LAMTOR4: variants seen among roughly 807,000 people sequenced by gnomAD.
LAMTOR4 encodes late endosomal/lysosomal adaptor, MAPK and MTOR activator 4, also known as ragulator complex protein LAMTOR4.
Under a neutral mutation model 13.5 loss-of-function variants are expected in LAMTOR4, and 11 were observed. The ratio of observed to expected loss-of-function variants is 0.82; its 90% confidence interval spans 0.51 to 1.35. The LOEUF is 1.35. LAMTOR4 is among the 40% of genes most tolerant of loss of function. The probability of loss-of-function intolerance (pLI) is 0.00; values close to 1 mark genes in which losing one functional copy is unlikely to be tolerated. For missense variants in LAMTOR4, 128 were observed against 126.2 expected, an observed-to-expected ratio of 1.01 and a Z score of -0.07; for synonymous variants, 69 against 52.3, an observed-to-expected ratio of 1.32 and a Z score of -1.38.
Position 100,153,475 on chromosome 7 carries a change from C to T in LAMTOR4, c.160C>T (p.Arg54Trp), listed in dbSNP as rs766744606. The T allele has an allele frequency of 3.2e-5, 51 of 1,609,634 alleles. No homozygotes were observed. Among genetic ancestry groups the T allele is most frequent in the East Asian group, 2.2e-4 (10 of 44,892 alleles). Residue 54 changes from arginine (R) to tryptophan (W), a missense_variant, in exon 3 of 4, where the codon CGG becomes TGG. Coordinates refer to ENST00000341942, the MANE Select transcript of LAMTOR4 (RefSeq NM_001008395.4). ...SELVSTACGF[R>W]LHRGMNVPFK... ...GCTGGTCAGCACAGCCTGCGGTTTC[C>T]GGCTGCACCGCGGCATGAATGTGCC...
intron 3 of LAMTOR4, 41 bp downstream of exon 3, chr7:100,153,558 G>T (rs201730556): frequency 3.3e-6 from 5 of 1,530,640 alleles, no homozygotes; most frequent in Admixed American, 3.3e-5. Context: ...TACTGGGAGC[G>T]GGGGGCTACT....
intron 2 of LAMTOR4, among the ~76,000 whole-genome samples, chr7:100,150,706 C>T (rs1798672465): frequency 6.6e-6 from 1 of 152,116 alleles, no homozygotes; most frequent in Non-Finnish European, 1.5e-5. Flanking sequence ...TGAGACTGGG[C>T]TGGGCGTGGT....
intron 3 of LAMTOR4, 33 bp downstream of exon 3, chr7:100,153,550 C>A: frequency 6.4e-7 from 1 of 1,564,006 alleles, no homozygotes; most frequent in Non-Finnish European, 8.7e-7. Context: ...GGTGGTGGTA[C>A]TGGGAGCGGG....
chr7:100,150,546 C>T (rs1798667351), intron 2 of LAMTOR4, among the ~76,000 whole-genome samples: 3 of 152,152 alleles, frequency 2.0e-5, no homozygotes, highest in Admixed American at 2.0e-4. Context: ...TGTGAAGGAT[C>T]TTCAAGGCCA....
intron 2 of LAMTOR4, among the ~76,000 whole-genome samples, chr7:100,150,284 G>A (rs973522809): frequency 1.3e-5 from 2 of 152,216 alleles, no homozygotes; most frequent in Admixed American, 6.5e-5. Flanking sequence ...AAGGTTAAGG[G>A]TTGAAAACAA....
At position 100,149,590 on chromosome 7, in the gene LAMTOR4, G is replaced by A. The variant is rs775140799; in HGVS notation, c.84+11G>A. 2.5e-6 allele frequency: 4 copies of A among 1,610,136 alleles called. No individual in the cohort carries two copies. Among genetic ancestry groups the A allele is most frequent in the Non-Finnish European group, 3.4e-6 (4 of 1,176,532 alleles). On this transcript the variant is annotated intron_variant, in intron 2 of 3. Transcript: ENST00000341942. ...GGTGCAGTGCTGGCGGTGCGTTCTG[G>A]GAAAGGGAGGGGGTCCCTTAGTGCA...
intron 1 of LAMTOR4, 175 bp from the exon 2 acceptor site, chr7:100,149,324 C>T: frequency 1.6e-6 from 1 of 618,596 alleles, no homozygotes; most frequent in South Asian, 1.9e-5. Context: ...GATGGAGGCT[C>T]GGGAAGATCA....
rs117976447 is a variant in LAMTOR4 at position 100,154,037 on chromosome 7, G to A, written c.*73G>A. On this transcript the variant is annotated 3_prime_UTR_variant, in exon 4 of 4. Transcript: ENST00000341942. ...CTGTGATGAGGCAGGCACACCTGTC[G>A]GTCTTGGCTTGCTGCTAGAACTAGG... is the stretch of plus-strand genomic sequence containing the variant. The A allele has an allele frequency of 7.4e-4, 879 of 1,184,948 alleles. 14 individuals carry two copies. The East Asian group carries it at 0.017, about 23-fold the overall frequency. The allele number at this position is 1,184,948 out of a possible 1,614,324, so 73.4% of individuals were successfully genotyped here.
rs770742586 is a variant in LAMTOR4 at position 100,153,437 on chromosome 7, G to A, written c.122G>A (p.Ser41Asn). The change falls in exon 3 of 4, where the codon AGT becomes AAT. Residue 41 changes from serine to asparagine, a missense_variant. Transcript: ENST00000341942. ...GDLENDEQAASAISELVSTAC... is the reference protein window; with the variant it reads ...GDLENDEQAANAISELVSTAC... ...CTGGAGAATGATGAGCAGGCAGCCAGTGCCATCTCTGAGCTGGTCAGCACA... is the reference window on the plus strand; with the variant it reads ...CTGGAGAATGATGAGCAGGCAGCCAATGCCATCTCTGAGCTGGTCAGCACA... 2 of 1,611,454 alleles carry A rather than the reference G, an allele frequency of 1.2e-6. No individual in the cohort carries two copies. Among genetic ancestry groups the A allele is most frequent in the Non-Finnish European group, 1.7e-6 (2 of 1,179,938 alleles).
Position 100,148,996 on chromosome 7 carries a change from G to C in LAMTOR4, c.3+21G>C. On this transcript the variant is annotated intron_variant, in intron 1 of 3. Transcript: ENST00000341942. Reference sequence around the variant, plus strand: ...CGATGGTGAGTGAGGACGCATGCGCGAGAGGACCCGCCGGGGGTTCAGCGT... The same window carrying C: ...CGATGGTGAGTGAGGACGCATGCGCCAGAGGACCCGCCGGGGGTTCAGCGT... 2 of 1,607,880 alleles carry C rather than the reference G, an allele frequency of 1.2e-6. 1 individual carries two copies. Among genetic ancestry groups the C allele is most frequent in the South Asian group, 2.2e-5 (2 of 90,892 alleles).
At position 100,148,976 on chromosome 7, in the gene LAMTOR4, G is replaced by T. The variant is rs777478948; in HGVS notation, c.3+1G>T. 3.1e-6 allele frequency: 5 copies of T among 1,611,740 alleles called. No homozygotes were observed. Among genetic ancestry groups the T allele is most frequent in the Non-Finnish European group, 4.2e-6 (5 of 1,179,766 alleles). ...TCCCCCAGCACCGAAGACTGCGATG[G>T]TGAGTGAGGACGCATGCGCGAGAGG... On this transcript the variant is annotated splice_donor_variant, in intron 1 of 3. Coordinates refer to ENST00000341942, the MANE Select transcript of LAMTOR4 (RefSeq NM_001008395.4). LOFTEE classifies it high-confidence loss of function.
At chr7:100,151,243 T>G (rs971521981) in intron 2 of LAMTOR4, among the ~76,000 whole-genome samples, 5 of 150,800 alleles carry the variant, frequency 3.3e-5, no homozygotes, top group African/African-American at 1.2e-4. Flanking sequence ...CCCAGCTAAT[T>G]TTTGTATTTT....
At chr7:100,150,603 G>GT (rs898025383) in intron 2 of LAMTOR4, among the ~76,000 whole-genome samples, 8 of 152,162 alleles carry the variant, frequency 5.3e-5, no homozygotes, top group African/African-American at 1.9e-4. Context: ...AGTTTGAAAG[G>GT]TTTTTTAAAA....
chr7:100,150,210 T>C (rs1798659331), intron 2 of LAMTOR4, among the ~76,000 whole-genome samples: 1 of 152,238 alleles, frequency 6.6e-6, no homozygotes, highest in African/African-American at 2.4e-5. Context: ...ATTTGTATTT[T>C]GTTCCATAGT....
intron 2 of LAMTOR4, among the ~76,000 whole-genome samples, chr7:100,151,131 G>A (rs1798685996): frequency 6.6e-6 from 1 of 151,782 alleles, no homozygotes; most frequent in Non-Finnish European, 1.5e-5. Context: ...CTGGAGTGCA[G>A]TGGCATGATC....
At chr7:100,152,571 A>G (rs547018179) in intron 2 of LAMTOR4, 4 of 152,296 alleles carry the variant, frequency 2.6e-5, no homozygotes, top group Admixed American at 1.3e-4. Flanking sequence ...GTGGAGGCCC[A>G]TATCAAGGAA....
At chr7:100,153,141 C>T (rs1798756760) in intron 2 of LAMTOR4, among the ~76,000 whole-genome samples, 2 of 147,860 alleles carry the variant, frequency 1.4e-5, no homozygotes, top group Admixed American at 6.8e-5. Context: ...GAGATTCCGT[C>T]TCAAAAAAGA....
At chr7:100,149,007 C>T in intron 1 of LAMTOR4, 32 bp downstream of exon 1, 2 of 1,605,018 alleles carry the variant, frequency 1.2e-6, no homozygotes, top group Non-Finnish European at 1.7e-6. Flanking sequence ...AGAGGACCCG[C>T]CGGGGGTTCA....
Position 100,153,958 on chromosome 7 carries a change from T to C in LAMTOR4, c.294T>C (p.Asp98=). 2.5e-6 allele frequency: 4 copies of C among 1,582,644 alleles called. No individual in the cohort carries two copies. Among genetic ancestry groups the C allele is most frequent in the Non-Finnish European group, 3.4e-6 (4 of 1,164,500 alleles). Residue 98 remains aspartate, a synonymous_variant, in exon 4 of 4, where the codon GAT becomes GAC. Transcript: ENST00000341942. The part of the protein sequence containing the change: ...KRQNRGREPI[D]V ...AGAACCGAGGTCGGGAGCCCATTGA[T>C]GTCTGAGCCTGCCGGAGGGCGAGGG... is the stretch of plus-strand genomic sequence containing the variant.
Sources: allele counts gnomAD v4.1 joint callset (sites outside exome capture counted in the v4.1 genomes callset), GRCh38; gene constraint gnomAD v4.1.1; transcripts MANE v1.5; gene names NCBI Gene and HGNC (gene_info 2026-07-23, HGNC 2026-07-21).